Variants in WDR33 observed in about 807,000 individuals in gnomAD.
The protein encoded by WDR33 is WD repeat domain 33.
In WDR33, 47 loss-of-function variants were observed where a neutral mutation model predicts 164.9. The observed-to-expected ratio is 0.29, with a 90% CI of 0.23 to 0.36. WDR33 has a LOEUF of 0.36. Among genes scored for constraint, WDR33 ranks in the 10% least tolerant of loss-of-function variants. The pLI is 1.00. For synonymous variants in WDR33, 505 were observed against 589.0 expected, an observed-to-expected ratio of 0.86 and a Z score of 2.06; for missense variants, 1,137 against 1,754.1, an observed-to-expected ratio of 0.65 and a Z score of 6.28.
At chr2:127,758,220 C>T (rs1320638109) in intron 7 of WDR33, among the ~76,000 whole-genome samples, 1 of 152,180 alleles carries the variant, frequency 6.6e-6, no homozygotes, top group East Asian at 1.9e-4. Flanking sequence ...CCTCTACCCA[C>T]ACCCTTCTCC....
At position 127,702,027 on chromosome 2, in the gene WDR33, C is replaced by CTGCTCACGG. The variant is rs1018704909; in HGVS notation, c.*4287_*4295dup. Reference sequence around the variant, plus strand: ...CGCCGCGCTGGGCCTTCGCAGCACGCTGCTCACGGTGCTGGGCGCGGGCGC... The same window carrying CTGCTCACGG: ...CGCCGCGCTGGGCCTTCGCAGCACGCTGCTCACGGTGCTCACGGTGCTGGGCGCGGGCGC... On this transcript the variant is annotated 3_prime_UTR_variant, in exon 22 of 22. Coordinates refer to ENST00000322313, the MANE Select transcript of WDR33 (RefSeq NM_018383.5). 8 of 1,292,744 alleles carry CTGCTCACGG rather than the reference C, an allele frequency of 6.2e-6. No individual in the cohort carries two copies. The highest frequency in any genetic ancestry group is 7.8e-6 in the Non-Finnish European group (8 of 1,022,710). 80.1% of individuals were successfully genotyped at this position (1,292,744 alleles called of 1,614,324 possible).
Position 127,724,396 on chromosome 2 carries a change from A to G in WDR33, c.1133T>C (p.Ile378Thr), listed in dbSNP as rs1686513111. Reference protein sequence around the residue: ...GGMEMAHEGMIWSLAWHPLGH... With the variant: ...GGMEMAHEGMTWSLAWHPLGH... ...AAGAGGATGCCAAGCCAGACTCCAGATCATCCCTTCGTGAGCCATCTCCAT... is the reference window on the plus strand; with the variant it reads ...AAGAGGATGCCAAGCCAGACTCCAGGTCATCCCTTCGTGAGCCATCTCCAT... The change falls in exon 11 of 22, where the codon ATC (isoleucine) becomes ACC (threonine). Residue 378 changes from isoleucine (I) to threonine (T), a missense_variant. Ile to Thr is a moderately conservative substitution (Grantham distance 89). Around this residue, in one of 9 missense-constraint regions of WDR33, gnomAD observed 21 missense variants for 102.2 expected, o/e 0.21. Transcript: ENST00000322313. This position sits in a 1 kb window ranked among gnomAD's most constrained non-coding sequence, Gnocchi z 4.8. The G allele has an allele frequency of 6.2e-7, 1 of 1,614,070 alleles. No homozygotes were observed. Among genetic ancestry groups the G allele is most frequent in the African/African-American group, 1.3e-5 (1 of 74,930 alleles).
intron 21 of WDR33, among the ~76,000 whole-genome samples, chr2:127,707,600 T>C (rs1474297822): frequency 1.3e-5 from 2 of 152,220 alleles, no homozygotes; most frequent in African/African-American, 2.4e-5. Flanking sequence ...CACAGCACAC[T>C]GGCTAGTAGT....
At position 127,701,373 on chromosome 2, in the gene WDR33, A is replaced by G. The variant is rs969208611; in HGVS notation, c.*4950T>C. 4.8e-5 allele frequency: 33 copies of G among 685,360 alleles called. No homozygotes were observed. Among genetic ancestry groups the G allele is most frequent in the African/African-American group, 3.0e-4 (16 of 53,352 alleles). 42.5% of individuals were successfully genotyped at this position (685,360 alleles called of 1,614,324 possible). A position where few individuals can be genotyped will look rare whatever the true frequency, so the allele number is the denominator to read the frequency against. On this transcript the variant is annotated 3_prime_UTR_variant, in exon 22 of 22. Transcript: ENST00000322313. ...GACCACGGTACTTGGGGACACCACA[A>G]AAGTCCGCAGAGCAGGCACCGCGGC...
At chr2:127,767,960 T>G (rs943099887) in intron 4 of WDR33, among the ~76,000 whole-genome samples, 1 of 152,184 alleles carries the variant, frequency 6.6e-6, no homozygotes, top group Non-Finnish European at 1.5e-5. Context: ...TCAGAGAGAA[T>G]TCTACAGAAA....
intron 1 of WDR33, among the ~76,000 whole-genome samples, chr2:127,777,669 A>C (rs1688229999): frequency 6.6e-6 from 1 of 152,230 alleles, no homozygotes; most frequent in African/African-American, 2.4e-5. Flanking sequence ...TGTGTTGCTC[A>C]GGATGGAATA....
chr2:127,789,691 T>C (rs1023666771), intron 1 of WDR33, among the ~76,000 whole-genome samples: 1 of 151,888 alleles, frequency 6.6e-6, no homozygotes, highest in African/African-American at 2.4e-5. Flanking sequence ...AAAAGCCTTT[T>C]CATTTCTTTT....
chr2:127,729,869 G>A (rs567392405), intron 7 of WDR33, among the ~76,000 whole-genome samples: 2 of 152,196 alleles, frequency 1.3e-5, no homozygotes, highest in South Asian at 2.1e-4. Flanking sequence ...TTACAAAACT[G>A]AATACAAATA....
chr2:127,792,862 G>A (rs528802159), intron 1 of WDR33, among the ~76,000 whole-genome samples: 41 of 151,798 alleles, frequency 2.7e-4, no homozygotes, highest in Non-Finnish European at 4.4e-4. Context: ...GGTCTAAAAA[G>A]GAAAAAAATA....
At chr2:127,750,897 T>C (rs1345582223) in intron 7 of WDR33, among the ~76,000 whole-genome samples, 1 of 151,130 alleles carries the variant, frequency 6.6e-6, no homozygotes, top group Non-Finnish European at 1.5e-5. Flanking sequence ...TTTACAGTAA[T>C]TGATTTAATG....
intron 7 of WDR33, among the ~76,000 whole-genome samples, chr2:127,730,878 T>C (rs1236163374): frequency 6.6e-6 from 1 of 152,042 alleles, no homozygotes; most frequent in Non-Finnish European, 1.5e-5. Context: ...TTATATTTTG[T>C]GTGTGTGTGA....
In WDR33 at chr2:127,723,293, T is replaced by C. The variant is rs1239308876; in HGVS notation, c.1251A>G (p.Leu417=). Residue 417 remains leucine (L), a synonymous_variant, in exon 12 of 22, where the codon CTA becomes CTG. Transcript: ENST00000322313. The surrounding 1 kb of genome is among the most constrained non-coding windows in gnomAD (Gnocchi z 5.9). The stretch of plus-strand genomic sequence containing the variant: ...CTTCAGACATTCCAGGTAAAAGGTT[T>C]AGATTATATCGATCTCGCATTTTAT... The part of the protein sequence containing the change: ...PGDKMRDRYN[L]NLLPGMSEDG... 3.1e-6 allele frequency: 5 copies of C among 1,614,104 alleles called. No individual in the cohort carries two copies. The highest frequency in any genetic ancestry group is 4.2e-6 in the Non-Finnish European group (5 of 1,180,012).
chr2:127,702,263 G>T lies in WDR33; in HGVS notation c.*4060C>A, dbSNP rs988307884. ...GCCGAGCTGAGGACTGCACGCCGCT[G>T]TGCGGAAGCCCGTGGCGAAGGCCCT... On this transcript the variant is annotated 3_prime_UTR_variant, in exon 22 of 22. Transcript: ENST00000322313. The T allele has an allele frequency of 2.4e-5, 27 of 1,140,576 alleles. No homozygotes were observed. Among genetic ancestry groups the T allele is most frequent in the Non-Finnish European group, 2.9e-5 (27 of 915,872 alleles). The allele number at this position is 1,140,576 out of a possible 1,614,324, so 70.7% of individuals were successfully genotyped here. A position where few individuals can be genotyped will look rare whatever the true frequency, so the allele number is the denominator to read the frequency against.
Position 127,764,600 on chromosome 2 carries a change from A to AG in WDR33, c.626+227dup, listed in dbSNP as rs1192216906. 1 of 1,552,578 alleles carries AG rather than the reference A, an allele frequency of 6.4e-7. No individual in the cohort carries two copies. Among genetic ancestry groups the AG allele is most frequent in the Admixed American group, 2.0e-5 (1 of 50,952 alleles). On this transcript the variant is annotated intron_variant, in intron 6 of 21. Transcript: ENST00000322313. The surrounding 1 kb of genome is among the most constrained non-coding windows in gnomAD (Gnocchi z 6.2). ...AAAACCAGTGCAAAATGCGGCAGAC[A>AG]GTACATCTCTAACATATTGCAAAGG...
chr2:127,748,986 T>C (rs1687240771), intron 7 of WDR33, among the ~76,000 whole-genome samples: 1 of 151,986 alleles, frequency 6.6e-6, no homozygotes, highest in Admixed American at 6.5e-5. Flanking sequence ...TCATATGCAC[T>C]CTTTTGATGA....
intron 1 of WDR33, among the ~76,000 whole-genome samples, chr2:127,775,656 T>C (rs1171320885): frequency 6.6e-6 from 1 of 152,198 alleles, no homozygotes; most frequent in African/African-American, 2.4e-5. Context: ...AAAAAAAGTA[T>C]TGTTACTTAC....
intron 1 of WDR33, among the ~76,000 whole-genome samples, chr2:127,800,599 T>C (rs1189869143): frequency 7.2e-6 from 1 of 139,842 alleles, no homozygotes; most frequent in Non-Finnish European, 1.5e-5. Context: ...ATCGCATCAC[T>C]GCACTCCAGC....
intron 7 of WDR33, among the ~76,000 whole-genome samples, chr2:127,759,946 T>C (rs1206958724): frequency 6.6e-6 from 1 of 152,154 alleles, no homozygotes; most frequent in Non-Finnish European, 1.5e-5. Context: ...GAACACTGTA[T>C]GCTTAAAGCT....
rs70985478 is a variant in WDR33, at chr2:127,809,428, C to CTTTT, written c.-24+1580_-24+1583dup. On this transcript the variant is annotated intron_variant, in intron 1 of 21. Coordinates refer to ENST00000322313, the MANE Select transcript of WDR33 (RefSeq NM_018383.5). ...ATTGTAATATATGTAAGCCAAATTC[C>CTTTT]TTTTTTTTTTTTTTTTTTTTTTTTT... Among the ~76,000 whole-genome samples, 99 of 94,622 alleles carry CTTTT rather than the reference C, an allele frequency of 1.0e-3. 1 individual carries two copies. Among genetic ancestry groups the CTTTT allele is most frequent in the Non-Finnish European group, 1.1e-3 (60 of 52,308 alleles). 62.1% of individuals were successfully genotyped at this position (94,622 alleles called of 152,430 possible). A position where few individuals can be genotyped will look rare whatever the true frequency, so the allele number is the denominator to read the frequency against.
Sources: gnomAD v4.1 joint callset for allele counts (sites outside exome capture counted in the v4.1 genomes callset) on GRCh38, gnomAD v4.1.1 for gene constraint, gnomAD v4.1.1 regional missense constraint, Gnocchi (gnomAD v3.1) non-coding constraint, MANE v1.5 for transcripts, NCBI Gene and HGNC (gene_info 2026-07-23, HGNC 2026-07-21) for gene names.